EFCAB6: variants seen among roughly 807,000 people sequenced by gnomAD.
The protein encoded by EFCAB6 is EF-hand calcium-binding domain-containing protein 6.
A neutral mutation model predicts 169.8 loss-of-function variants in EFCAB6; 156 were observed. The observed-to-expected ratio is 0.92, with a 90% confidence interval of 0.81 to 1.05. The LOEUF (loss-of-function observed/expected upper bound fraction) is 1.05, where lower values mean the gene tolerates loss of function less well. Ranked by LOEUF, EFCAB6 falls within the 50% of genes least tolerant of loss-of-function variation. The pLI, the probability that EFCAB6 is intolerant of heterozygous loss-of-function variation, is 0.00. For synonymous variants in EFCAB6, 698 were observed against 676.4 expected, an observed-to-expected ratio of 1.03 and a Z score of -0.50; for missense variants, 1,800 against 1,829.1, an observed-to-expected ratio of 0.98 and a Z score of 0.29.
At chr22:43,731,837 T>C in intron 7 of EFCAB6, 26 bp from the exon 8 acceptor site, 1 of 1,413,552 alleles carries the variant, frequency 7.1e-7, no homozygotes, top group Non-Finnish European at 9.5e-7. Flanking sequence ...TCTTTAGTAA[T>C]GAGAAATTAT....
intron 22 of EFCAB6, among the ~76,000 whole-genome samples, chr22:43,600,744 A>G (rs867285973): frequency 2.5e-4 from 38 of 151,934 alleles, no homozygotes; most frequent in African/African-American, 8.4e-4. Context: ...GCTCACTACA[A>G]CCTCTGTCTC....
intron 22 of EFCAB6, among the ~76,000 whole-genome samples, chr22:43,608,142 G>C (rs1413836775): frequency 2.0e-5 from 3 of 152,142 alleles, no homozygotes; most frequent in African/African-American, 4.8e-5. Context: ...AGTTATATTA[G>C]AGTTAAGTCC....
intron 3 of EFCAB6, among the ~76,000 whole-genome samples, chr22:43,781,555 C>G (rs1451859113): frequency 6.6e-6 from 1 of 152,124 alleles, no homozygotes; most frequent in Non-Finnish European, 1.5e-5. Context: ...TCTGGAACCC[C>G]TGGGCTCAAG....
chr22:43,532,640 T>C (rs1460159092), intron 30 of EFCAB6, among the ~76,000 whole-genome samples: 1 of 152,128 alleles, frequency 6.6e-6, no homozygotes, highest in African/African-American at 2.4e-5. Flanking sequence ...CCTGTTTGTC[T>C]AAACTAGAAG....
At chr22:43,693,338 T>C (rs114152686) in intron 10 of EFCAB6, among the ~76,000 whole-genome samples, 1 of 151,912 alleles carries the variant, frequency 6.6e-6, no homozygotes, top group African/African-American at 2.4e-5. Context: ...GCACTTTACC[T>C]GTATGGTCTT....
chr22:43,794,631 G>A lies in EFCAB6; in HGVS notation c.-7-12306C>T, dbSNP rs116731113. Among the ~76,000 whole-genome samples the A allele has an allele frequency of 1.2e-3, 180 of 152,210 alleles. 2 individuals carry two copies. The highest frequency in any genetic ancestry group is 4.2e-3 in the African/African-American group (176 of 41,540). ...AATAGATAACTTGAGTTTGCAAAAC[G>A]GTTTAACAATTCTGCAACCTACTCA... is the stretch of plus-strand genomic sequence containing the variant. On this transcript the variant is annotated intron_variant, in intron 2 of 31. Coordinates refer to ENST00000262726, the MANE Select transcript of EFCAB6 (RefSeq NM_022785.4).
At chr22:43,620,043 C>T (rs868692319) in intron 20 of EFCAB6, among the ~76,000 whole-genome samples, 29 of 152,262 alleles carry the variant, frequency 1.9e-4, no homozygotes, top group East Asian at 7.7e-4. Context: ...AATGGTCTGG[C>T]GCAATGGCTC....
At chr22:43,590,692 A>C (rs942637324) in intron 23 of EFCAB6, among the ~76,000 whole-genome samples, 1 of 151,902 alleles carries the variant, frequency 6.6e-6, no homozygotes, top group African/African-American at 2.4e-5. Context: ...GGAGACAGAC[A>C]ATAAACAGAA....
intron 13 of EFCAB6, among the ~76,000 whole-genome samples, chr22:43,675,273 C>T (rs2057676804): frequency 8.1e-6 from 1 of 123,018 alleles, no homozygotes; most frequent in East Asian, 2.1e-4. Context: ...ATATATTATG[C>T]TATAATATAA....
At chr22:43,713,555 C>T (rs1215865832) in intron 9 of EFCAB6, among the ~76,000 whole-genome samples, 1 of 152,110 alleles carries the variant, frequency 6.6e-6, no homozygotes, top group Non-Finnish European at 1.5e-5. Flanking sequence ...AATATGGTGG[C>T]AAGCAATAGG....
intron 15 of EFCAB6, among the ~76,000 whole-genome samples, chr22:43,670,220 G>T (rs1218476228): frequency 6.6e-6 from 1 of 152,094 alleles, no homozygotes; most frequent in Non-Finnish European, 1.5e-5. Context: ...AAGTACACTT[G>T]TTTCTGCAAT....
chr22:43,724,906 AC>A (rs1414610875), intron 8 of EFCAB6, among the ~76,000 whole-genome samples: 1 of 152,074 alleles, frequency 6.6e-6, no homozygotes, highest in Non-Finnish European at 1.5e-5. Flanking sequence ...CAACAACCCC[AC>A]TTCTCTGTAT....
At chr22:43,802,750 A>C in intron 2 of EFCAB6, 3 of 511,912 alleles carry the variant, frequency 5.9e-6, no homozygotes, top group Non-Finnish European at 1.2e-5. Context: ...GGGCACAGAA[A>C]GCTGAATGTG....
intron 30 of EFCAB6, among the ~76,000 whole-genome samples, chr22:43,534,079 T>C (rs1275830015): frequency 6.6e-6 from 1 of 152,150 alleles, no homozygotes; most frequent in Non-Finnish European, 1.5e-5. Flanking sequence ...ATGGCAAAAC[T>C]CTGTGCTATG....
At chr22:43,559,990 T>C (rs1004891673) in intron 26 of EFCAB6, among the ~76,000 whole-genome samples, 1 of 152,176 alleles carries the variant, frequency 6.6e-6, no homozygotes, top group African/African-American at 2.4e-5. Context: ...GTAACAAACC[T>C]GCATGTTCTG....
At chr22:43,614,895 A>G (rs2053591332) in intron 21 of EFCAB6, among the ~76,000 whole-genome samples, 1 of 152,026 alleles carries the variant, frequency 6.6e-6, no homozygotes, top group African/African-American at 2.4e-5. Flanking sequence ...AGTCCACTCT[A>G]TGGAGTCCAC....
At chr22:43,657,003 T>C (rs569629976) in intron 17 of EFCAB6, among the ~76,000 whole-genome samples, 19 of 152,300 alleles carry the variant, frequency 1.2e-4, no homozygotes, top group African/African-American at 4.6e-4. Flanking sequence ...TTTCTCAAAA[T>C]TGATGGCCAG....
At chr22:43,637,639 G>C (rs543092762) in intron 17 of EFCAB6, among the ~76,000 whole-genome samples, 25 of 152,296 alleles carry the variant, frequency 1.6e-4, no homozygotes, top group African/African-American at 5.3e-4. Flanking sequence ...CAACGCAGGA[G>C]TACAAGGCTA....
At chr22:43,653,387 A>C (rs1414871754) in intron 17 of EFCAB6, among the ~76,000 whole-genome samples, 5 of 152,246 alleles carry the variant, frequency 3.3e-5, no homozygotes, top group Admixed American at 3.3e-4. Flanking sequence ...AACTGATAGA[A>C]GACATAGACC....
Sources: gnomAD v4.1 joint callset for allele counts (sites outside exome capture counted in the v4.1 genomes callset) on GRCh38, gnomAD v4.1.1 for gene constraint, MANE v1.5 for transcripts, NCBI Gene and HGNC (gene_info 2026-07-23, HGNC 2026-07-21) for gene names.